Variants in CNTN4 observed in about 807,000 individuals in gnomAD.
CNTN4 encodes the protein contactin-4.
Under a neutral mutation model 122.5 loss-of-function variants are expected in CNTN4, and 77 were observed. The ratio of observed to expected loss-of-function variants is 0.63; its 90% CI spans 0.52 to 0.76. The LOEUF is 0.76. Ranked by LOEUF, CNTN4 falls within the 30% of genes least tolerant of loss-of-function variation. The pLI is 0.00. For missense variants in CNTN4, 1,256 were observed against 1,259.1 expected (o/e 1.00, Z 0.04); for synonymous variants, 512 against 447.0 (o/e 1.15, Z -1.83).
chr3:2,177,259 A>G (rs1035013295), intron 2 of CNTN4, among the ~76,000 whole-genome samples: 8 of 152,148 alleles, frequency 5.3e-5, no homozygotes, highest in Non-Finnish European at 8.8e-5. Flanking sequence ...TTATTACAGG[A>G]TGGAATTCAA....
chr3:2,695,584 G>C (rs1249216511), intron 4 of CNTN4, among the ~76,000 whole-genome samples: 2 of 152,172 alleles, frequency 1.3e-5, no homozygotes, highest in Non-Finnish European at 2.9e-5. Flanking sequence ...TTTTGTGATA[G>C]ACACCAGCAG....
chr3:2,313,112 A>G (rs906318986), intron 2 of CNTN4, among the ~76,000 whole-genome samples: 19 of 152,064 alleles, frequency 1.2e-4, no homozygotes, highest in African/African-American at 4.3e-4. Flanking sequence ...TTAAAAGATG[A>G]TTAAATAATG....
At chr3:2,594,551 T>C (rs2080669440) in intron 4 of CNTN4, among the ~76,000 whole-genome samples, 1 of 151,856 alleles carries the variant, frequency 6.6e-6, no homozygotes, top group African/African-American at 2.4e-5. Flanking sequence ...CCCGAGTAGC[T>C]GGGTTTACAG....
intron 2 of CNTN4, among the ~76,000 whole-genome samples, chr3:2,164,053 G>C (rs533658118): frequency 2.0e-5 from 3 of 152,206 alleles, no homozygotes; most frequent in East Asian, 1.9e-4. Flanking sequence ...GGGGATAAAA[G>C]ACTACATGTT....
At chr3:2,467,714 T>G (rs2075553187) in intron 3 of CNTN4, among the ~76,000 whole-genome samples, 1 of 152,172 alleles carries the variant, frequency 6.6e-6, no homozygotes, top group Non-Finnish European at 1.5e-5. Context: ...AAAAATCTCT[T>G]AGATATAGGT....
chr3:2,767,519 G>A (rs1453937070), intron 6 of CNTN4, among the ~76,000 whole-genome samples: 1 of 152,146 alleles, frequency 6.6e-6, no homozygotes, highest in African/African-American at 2.4e-5. Context: ...TACTGAGTGA[G>A]TGGGCTTTTT....
intron 2 of CNTN4, among the ~76,000 whole-genome samples, chr3:2,175,626 G>C (rs1381813103): frequency 6.6e-6 from 1 of 152,180 alleles, no homozygotes; most frequent in African/African-American, 2.4e-5. Flanking sequence ...GGCTTGAGTA[G>C]TAACTACTGC....
intron 3 of CNTN4, among the ~76,000 whole-genome samples, chr3:2,487,603 A>G (rs2076198664): frequency 6.6e-6 from 1 of 152,208 alleles, no homozygotes; most frequent in South Asian, 2.1e-4. Flanking sequence ...TCAAATTAAA[A>G]TAAAATGTGT....
At chr3:3,005,124 C>A (rs1182618351) in intron 14 of CNTN4, among the ~76,000 whole-genome samples, 3 of 152,170 alleles carry the variant, frequency 2.0e-5, no homozygotes, top group Admixed American at 6.5e-5. Flanking sequence ...TCTTCTTCCT[C>A]TTCAGTTTAA....
chr3:2,930,900 A>G (rs141614057), intron 13 of CNTN4, among the ~76,000 whole-genome samples: 168 of 152,286 alleles, frequency 1.1e-3, no homozygotes, highest in African/African-American at 4.0e-3. Flanking sequence ...ATTTTTCAAC[A>G]ATCCTGAGGC....
chr3:2,787,292 C>G (rs1223538100), intron 6 of CNTN4, among the ~76,000 whole-genome samples: 2 of 151,858 alleles, frequency 1.3e-5, no homozygotes, highest in African/African-American at 2.4e-5. Context: ...AGGAGAATCA[C>G]TTGAGTCCAG....
At chr3:2,566,278 CAT>C (rs2079155599) in intron 3 of CNTN4, among the ~76,000 whole-genome samples, 1 of 152,156 alleles carries the variant, frequency 6.6e-6, no homozygotes. Flanking sequence ...AGTATGAAGA[CAT>C]AGATTTAAAT....
chr3:2,971,080 C>T (rs576015133), intron 13 of CNTN4, among the ~76,000 whole-genome samples: 1 of 152,188 alleles, frequency 6.6e-6, no homozygotes, highest in Non-Finnish European at 1.5e-5. Flanking sequence ...AGCCAGCACA[C>T]CCAGCCTACG....
Position 2,636,079 on chromosome 3 carries a change from C to T in CNTN4, c.55+64521C>T, listed in dbSNP as rs1365993731. Among the ~76,000 whole-genome samples the T allele has an allele frequency of 1.3e-5, 2 of 152,170 alleles. 1 individual carries two copies. Among genetic ancestry groups the T allele is most frequent in the East Asian group, 3.9e-4 (2 of 5,194 alleles). ...TGAATTTGAGACTGATCTCCCATCT[C>T]CTTGGCTGCAGAACCTGATTAAAGC... On this transcript the variant is annotated intron_variant, in intron 4 of 24. Coordinates refer to ENST00000418658, the MANE Select transcript of CNTN4 (RefSeq NM_175607.3).
At chr3:2,933,036 A>G (rs1344733249) in intron 13 of CNTN4, among the ~76,000 whole-genome samples, 1 of 151,862 alleles carries the variant, frequency 6.6e-6, no homozygotes, top group South Asian at 2.1e-4. Context: ...GTTAGCCAGG[A>G]TGGTCTCGAT....
At chr3:2,586,261 G>C (rs1225843095) in intron 4 of CNTN4, among the ~76,000 whole-genome samples, 9 of 152,086 alleles carry the variant, frequency 5.9e-5, no homozygotes, top group Admixed American at 5.2e-4. Context: ...CTCCATTTTT[G>C]TTGTTGTTGT....
At chr3:2,440,745 AAT>A (rs1024757508) in intron 3 of CNTN4, among the ~76,000 whole-genome samples, 2 of 150,554 alleles carry the variant, frequency 1.3e-5, no homozygotes, top group Admixed American at 6.7e-5. Flanking sequence ...TGTATGAATG[AAT>A]ATATGTGTGA....
At position 2,169,429 on chromosome 3, in the gene CNTN4, C is replaced by T. The variant is rs561422951; in HGVS notation, c.-145+68790C>T. Among the ~76,000 whole-genome samples, 29 of 151,084 alleles carry T rather than the reference C, an allele frequency of 1.9e-4. No homozygotes were observed. In the South Asian group the frequency reaches 4.2e-3, roughly 22 times the overall value. On this transcript the variant is annotated intron_variant, in intron 2 of 24. Coordinates refer to ENST00000418658, the MANE Select transcript of CNTN4 (RefSeq NM_175607.3). Reference sequence around the variant, plus strand: ...TAAAATAAACTTTTTTTTTTTGAGACGGAGTCTGGCTCTGTCACTCAGGCT... The same window carrying T: ...TAAAATAAACTTTTTTTTTTTGAGATGGAGTCTGGCTCTGTCACTCAGGCT...
At chr3:2,167,161 C>G (rs548868957) in intron 2 of CNTN4, among the ~76,000 whole-genome samples, 11 of 152,070 alleles carry the variant, frequency 7.2e-5, no homozygotes, top group Non-Finnish European at 1.5e-4. Flanking sequence ...AAGGATAAAC[C>G]AATTCCATGC....
Sources: gnomAD v4.1 joint callset for allele counts (sites outside exome capture counted in the v4.1 genomes callset) on GRCh38, gnomAD v4.1.1 for gene constraint, MANE v1.5 for transcripts, NCBI Gene and HGNC (gene_info 2026-07-23, HGNC 2026-07-21) for gene names.